Variants in NRXN1 observed in about 807,000 individuals in gnomAD.
NRXN1 encodes the protein neurexin-1.
Under a neutral mutation model 150.9 loss-of-function variants are expected in NRXN1, and 39 were observed. The ratio of observed to expected loss-of-function variants is 0.26; its 90% CI spans 0.20 to 0.34. The LOEUF (loss-of-function observed/expected upper bound fraction) is 0.34, where lower values mean the gene tolerates loss of function less well. NRXN1 is among the 10% of genes least tolerant of loss of function. The pLI, the probability that NRXN1 is intolerant of heterozygous loss-of-function variation, is 1.00. For synonymous variants in NRXN1, 924 were observed against 757.0 expected (o/e 1.22, Z -3.62); for missense variants, 1,815 against 1,949.9 (o/e 0.93, Z 1.30).
At chr2:50,994,509 T>C (rs1360259327) in intron 2 of NRXN1, among the ~76,000 whole-genome samples, 3 of 152,012 alleles carry the variant, frequency 2.0e-5, no homozygotes, top group East Asian at 3.9e-4. Flanking sequence ...CAGAACAGAA[T>C]GTACATGCCA....
intron 17 of NRXN1, among the ~76,000 whole-genome samples, chr2:50,452,971 G>T (rs1313736690): frequency 6.6e-6 from 1 of 152,164 alleles, no homozygotes; most frequent in East Asian, 1.9e-4. Context: ...AATATTGCCA[G>T]CCAATGGGAG....
chr2:49,982,067 T>C (rs1019914502), intron 21 of NRXN1, among the ~76,000 whole-genome samples: 5 of 152,128 alleles, frequency 3.3e-5, no homozygotes, highest in Admixed American at 6.6e-5. Flanking sequence ...GTACATAAAG[T>C]CAAGAACCAG....
intron 18 of NRXN1, among the ~76,000 whole-genome samples, chr2:50,212,337 T>A (rs542095636): frequency 1.3e-5 from 2 of 150,594 alleles, no homozygotes; most frequent in East Asian, 3.9e-4. Context: ...AGAAAAGATA[T>A]CAACACTTTA....
chr2:50,378,659 A>G (rs2080709341), intron 17 of NRXN1, among the ~76,000 whole-genome samples: 1 of 152,150 alleles, frequency 6.6e-6, no homozygotes, highest in South Asian at 2.1e-4. Context: ...TAGGAGTATT[A>G]ATAATATGTA....
chr2:50,114,610 T>G (rs1170193406), intron 18 of NRXN1, among the ~76,000 whole-genome samples: 1 of 152,102 alleles, frequency 6.6e-6, no homozygotes, highest in Admixed American at 6.6e-5. Context: ...GCAACCAAGA[T>G]GTCCTTCAGT....
At chr2:50,307,716 A>C (rs935340418) in intron 17 of NRXN1, among the ~76,000 whole-genome samples, 87 of 152,232 alleles carry the variant, frequency 5.7e-4, no homozygotes, top group East Asian at 2.1e-3. Flanking sequence ...CTTACTCTCA[A>C]CTGCCTCCAT....
intron 8 of NRXN1, 74 bp from the exon 9 acceptor site, chr2:50,553,099 A>C (rs1667765361): frequency 1.9e-6 from 2 of 1,034,652 alleles, no homozygotes; most frequent in African/African-American, 3.2e-5. Flanking sequence ...AGCTCATGTA[A>C]CTTTCAACGA....
At chr2:50,200,665 TAA>T (rs995621591) in intron 18 of NRXN1, among the ~76,000 whole-genome samples, 1 of 152,114 alleles carries the variant, frequency 6.6e-6, no homozygotes, top group African/African-American at 2.4e-5. Context: ...CAATCTGGAA[TAA>T]AATCATTTGG....
At chr2:50,315,960 G>A (rs750824646) in intron 17 of NRXN1, among the ~76,000 whole-genome samples, 1 of 152,050 alleles carries the variant, frequency 6.6e-6, no homozygotes, top group African/African-American at 2.4e-5. Context: ...CAGGGCCAGA[G>A]ATCAAGGAAA....
chr2:50,803,049 A>C (rs1707837108), intron 5 of NRXN1, among the ~76,000 whole-genome samples: 1 of 152,212 alleles, frequency 6.6e-6, no homozygotes, highest in African/African-American at 2.4e-5. Context: ...TTTTTGTGGT[A>C]GCCCTAAACA....
intron 18 of NRXN1, among the ~76,000 whole-genome samples, chr2:50,212,402 T>C (rs12619144): frequency 0.12 from 18,229 of 151,404 alleles, 1,376 homozygotes; most frequent in African/African-American, 0.21. Flanking sequence ...CCTATATGGC[T>C]AATATTAAAG....
chr2:49,997,212 T>TA (rs1683146779), intron 21 of NRXN1, among the ~76,000 whole-genome samples: 1 of 152,084 alleles, frequency 6.6e-6, no homozygotes, highest in South Asian at 2.1e-4. Context: ...TAAGAGCGCA[T>TA]ATCTCTTGGA....
intron 17 of NRXN1, among the ~76,000 whole-genome samples, chr2:50,431,501 T>C (rs2084960447): frequency 6.6e-6 from 1 of 152,252 alleles, no homozygotes; most frequent in African/African-American, 2.4e-5. Flanking sequence ...GCTGAATTTT[T>C]GTATGGCACA....
chr2:51,027,284 T>C (rs1474461864), intron 2 of NRXN1, among the ~76,000 whole-genome samples: 4 of 152,114 alleles, frequency 2.6e-5, no homozygotes, highest in African/African-American at 7.2e-5. Flanking sequence ...CAGAAGGAAC[T>C]CAAACTTGGA....
chr2:49,995,411 G>A (rs1334128412), intron 21 of NRXN1, among the ~76,000 whole-genome samples: 1 of 152,082 alleles, frequency 6.6e-6, no homozygotes, highest in East Asian at 1.9e-4. Flanking sequence ...AGAAAATCTT[G>A]AAAATGTAGT....
intron 5 of NRXN1, among the ~76,000 whole-genome samples, chr2:50,790,117 T>C (rs1705718032): frequency 6.7e-6 from 1 of 150,222 alleles, no homozygotes; most frequent in Admixed American, 6.7e-5. Context: ...TGCTTTTAAC[T>C]CTCCTTATTC....
intron 18 of NRXN1, among the ~76,000 whole-genome samples, chr2:50,234,762 G>C (rs2065263756): frequency 6.6e-6 from 1 of 151,892 alleles, no homozygotes; most frequent in South Asian, 2.1e-4. Context: ...GGTGTGTAGA[G>C]ACATGCACTG....
intron 5 of NRXN1, among the ~76,000 whole-genome samples, chr2:50,640,012 A>G (rs1256339639): frequency 6.6e-6 from 1 of 152,206 alleles, no homozygotes; most frequent in African/African-American, 2.4e-5. Flanking sequence ...CTTGACGAGA[A>G]GTTAATTATT....
intron 12 of NRXN1, among the ~76,000 whole-genome samples, chr2:50,517,460 C>A (rs2092663236): frequency 6.6e-6 from 1 of 151,914 alleles, no homozygotes; most frequent in African/African-American, 2.4e-5. Flanking sequence ...TAAATTAAGC[C>A]AAGTAGTTGA....
Sources: allele counts gnomAD v4.1 joint callset (sites outside exome capture counted in the v4.1 genomes callset), GRCh38; gene constraint gnomAD v4.1.1; transcripts MANE v1.5; gene names NCBI Gene and HGNC (gene_info 2026-07-23, HGNC 2026-07-21).